NFATC3: variants seen among roughly 807,000 people sequenced by gnomAD.
NFATC3 encodes the protein nuclear factor of activated T-cells, cytoplasmic 3.
In NFATC3, 46 loss-of-function variants were observed where a neutral mutation model predicts 98.6. The ratio of observed to expected loss-of-function variants is 0.47; its 90% CI spans 0.37 to 0.60. NFATC3 has a LOEUF of 0.60. Ranked by LOEUF, NFATC3 falls within the 20% of genes least tolerant of loss-of-function variation. NFATC3 has a pLI of 0.00. For synonymous variants in NFATC3, 512 were observed against 472.2 expected (o/e 1.08, Z -1.09); for missense variants, 1,256 against 1,295.5 (o/e 0.97, Z 0.47).
chr16:68,111,093 G>T (rs914767219), intron 1 of NFATC3, among the ~76,000 whole-genome samples: 1 of 152,220 alleles, frequency 6.6e-6, no homozygotes, highest in African/African-American at 2.4e-5. Context: ...TCTAGAGTAA[G>T]TGCCATGTGG....
chr16:68,179,130 T>G (rs906527204), intron 6 of NFATC3, among the ~76,000 whole-genome samples: 2 of 152,178 alleles, frequency 1.3e-5, no homozygotes, highest in Non-Finnish European at 2.9e-5. Flanking sequence ...TTCCTCATAT[T>G]ATGAGTTCTG....
At chr16:68,189,565 A>G (rs2040350854) in intron 8 of NFATC3, 1 of 152,250 alleles carries the variant, frequency 6.6e-6, no homozygotes, top group Non-Finnish European at 1.5e-5. Context: ...TGACTCAAGG[A>G]CATTTTTTTT....
chr16:68,086,899 AT>A (rs1433362416), intron 1 of NFATC3: 2 of 608,516 alleles, frequency 3.3e-6, no homozygotes, highest in African/African-American at 4.0e-5. Flanking sequence ...TTTATTTTCA[AT>A]TCCATTAACA....
chr16:68,215,146 C>T (rs1385640698), intron 9 of NFATC3, among the ~76,000 whole-genome samples: 7 of 152,152 alleles, frequency 4.6e-5, no homozygotes, highest in African/African-American at 1.7e-4. Flanking sequence ...TTGGAAGGGG[C>T]CTTGGAAATC....
intron 3 of NFATC3, among the ~76,000 whole-genome samples, chr16:68,143,983 G>T (rs1233676069): frequency 6.6e-6 from 1 of 151,932 alleles, no homozygotes; most frequent in East Asian, 1.9e-4. Flanking sequence ...ATACCTAAAA[G>T]AAAAAAATTG....
intron 9 of NFATC3, among the ~76,000 whole-genome samples, chr16:68,224,355 C>T (rs936360523): frequency 3.3e-5 from 5 of 149,360 alleles, no homozygotes; most frequent in African/African-American, 1.2e-4. Flanking sequence ...TGGCTCACTG[C>T]AACCTCCACC....
At chr16:68,114,345 A>C (rs1013898245) in intron 1 of NFATC3, among the ~76,000 whole-genome samples, 4 of 151,942 alleles carry the variant, frequency 2.6e-5, no homozygotes, top group Non-Finnish European at 4.4e-5. Flanking sequence ...TGCTCCTCTT[A>C]GTGGGAGCCG....
chr16:68,113,977 C>T (rs763939358), intron 1 of NFATC3, among the ~76,000 whole-genome samples: 12 of 152,326 alleles, frequency 7.9e-5, no homozygotes, highest in Middle Eastern at 3.4e-3. Flanking sequence ...TGCCCCTTTC[C>T]GTGGGAACTT....
At chr16:68,222,253 C>G (rs948211201) in intron 9 of NFATC3, among the ~76,000 whole-genome samples, 1 of 117,136 alleles carries the variant, frequency 8.5e-6, no homozygotes, top group African/African-American at 3.3e-5. Flanking sequence ...GTGCCACCTG[C>G]ATTCCAGCCT....
At chr16:68,217,504 A>C (rs1015411713) in intron 9 of NFATC3, among the ~76,000 whole-genome samples, 2 of 150,544 alleles carry the variant, frequency 1.3e-5, no homozygotes, top group African/African-American at 4.9e-5. Context: ...GGCATGAAAG[A>C]GCTCAAGCTG....
chr16:68,101,484 T>G (rs1390983954), intron 1 of NFATC3, among the ~76,000 whole-genome samples: 2 of 151,418 alleles, frequency 1.3e-5, no homozygotes, highest in African/African-American at 2.4e-5. Flanking sequence ...TTAGGTTTTT[T>G]TTTTTGTTTT....
In NFATC3 at chr16:68,167,003, C is replaced by T. The variant is rs202157774; in HGVS notation, c.1762C>T (p.Pro588Ser). The T allele has an allele frequency of 3.1e-6, 5 of 1,613,016 alleles. No homozygotes were observed. The highest frequency in any genetic ancestry group is 3.4e-6 in the Non-Finnish European group (4 of 1,179,624). ...CCTTTCTCTGCAGATAGCCTCTATA[C>T]CCGTTGAGTGCTGTAAGTGAGCTTG... ...KVLSLQIASI[P>S]VECSQRSAQE... The change falls in exon 5 of 10, where the codon CCC (proline) becomes TCC (serine). Residue 588 changes from proline (P) to serine (S), a missense_variant. This residue lies in a region of NFATC3 where 636 missense variants were observed against 617.3 expected (regional missense o/e 1.03). Transcript: ENST00000346183.
chr16:68,158,056 A>G lies in NFATC3; in HGVS notation c.1589A>G (p.Asn530Ser), dbSNP rs1041639846. ...GAAATTCCACTTCTTCCTGAAAATAATATGTCAGCCAGGTATTTTGAAATA... is the reference window on the plus strand; with the variant it reads ...GAAATTCCACTTCTTCCTGAAAATAGTATGTCAGCCAGGTATTTTGAAATA... ...VLEIPLLPEN[N>S]MSASIDCAGI... The change falls in exon 4 of 10, where the codon AAT becomes AGT. Residue 530 changes from asparagine (N) to serine (S), a missense_variant. Transcript: ENST00000346183. 7 of 1,612,024 alleles carry G rather than the reference A, an allele frequency of 4.3e-6. No homozygotes were observed. The highest frequency in any genetic ancestry group is 5.1e-6 in the Non-Finnish European group (6 of 1,178,674).
At chr16:68,197,308 G>C (rs2040718834) in intron 9 of NFATC3, among the ~76,000 whole-genome samples, 1 of 151,816 alleles carries the variant, frequency 6.6e-6, no homozygotes, top group Non-Finnish European at 1.5e-5. Context: ...CTTGAAGATG[G>C]CATCTCACTC....
chr16:68,102,004 A>G (rs983919313), intron 1 of NFATC3, among the ~76,000 whole-genome samples: 1 of 151,814 alleles, frequency 6.6e-6, no homozygotes, highest in South Asian at 2.1e-4. Context: ...TTTCTTTGCA[A>G]CTCATTTTGG....
intron 3 of NFATC3, among the ~76,000 whole-genome samples, chr16:68,133,783 A>G (rs563288720): frequency 6.6e-6 from 1 of 151,782 alleles, no homozygotes; most frequent in East Asian, 1.9e-4. Flanking sequence ...ATTCTAGTGT[A>G]TGAATTTGCA....
At chr16:68,215,432 C>T (rs1428975605) in intron 9 of NFATC3, among the ~76,000 whole-genome samples, 1 of 152,232 alleles carries the variant, frequency 6.6e-6, no homozygotes, top group Non-Finnish European at 1.5e-5. Flanking sequence ...AGTCACATCA[C>T]AGCCAAACCA....
Position 68,122,767 on chromosome 16 carries a change from CT to C in NFATC3, c.886del (p.Ser296HisfsTer10). 6.2e-7 allele frequency: 1 copy of C among 1,614,252 alleles called. No homozygotes were observed. Among genetic ancestry groups the C allele is most frequent in the South Asian group, 1.1e-5 (1 of 91,090 alleles). On this transcript the variant is annotated frameshift_variant, in exon 2 of 10. Coordinates refer to ENST00000346183, the MANE Select transcript of NFATC3 (RefSeq NM_173165.3). LOFTEE classifies it high-confidence loss of function. Reference sequence around the variant, plus strand: ...CTTTCACCCCATCACTCACCTGTTCCTTCACCTGGTCACTCCCCCAGGGGAA... The same window carrying C: ...CTTTCACCCCATCACTCACCTGTTCCTCACCTGGTCACTCCCCCAGGGGAA... ...GSLSPHHSPV[P>X]SPGHSPRGSV...
intron 1 of NFATC3, among the ~76,000 whole-genome samples, chr16:68,100,062 T>C (rs2035258957): frequency 6.6e-6 from 1 of 152,200 alleles, no homozygotes; most frequent in South Asian, 2.1e-4. Flanking sequence ...TTGTTCTGTT[T>C]TATTGCTGAG....
Sources: allele counts gnomAD v4.1 joint callset (sites outside exome capture counted in the v4.1 genomes callset), GRCh38; gene constraint gnomAD v4.1.1; regional missense constraint gnomAD v4.1.1; transcripts MANE v1.5; gene names NCBI Gene and HGNC (gene_info 2026-07-23, HGNC 2026-07-21).